Variants in ZNF292 observed in about 807,000 individuals in gnomAD.
ZNF292 encodes the protein zinc finger protein 292.
A neutral mutation model predicts 217.9 loss-of-function variants in ZNF292; 26 were observed. That is an observed-to-expected ratio of 0.12 (90% CI 0.09 to 0.17). The LOEUF (loss-of-function observed/expected upper bound fraction) is 0.17. Ranked by LOEUF, ZNF292 falls within the 10% of genes least tolerant of loss-of-function variation. The probability of loss-of-function intolerance (pLI) is 1.00; values close to 1 mark genes in which losing one functional copy is unlikely to be tolerated. For synonymous variants in ZNF292, 1,257 were observed against 1,124.1 expected (o/e 1.12, Z -2.37); for missense variants, 2,904 against 3,175.2 (o/e 0.91, Z 2.05).
intron 1 of ZNF292, among the ~76,000 whole-genome samples, chr6:87,201,816 T>G (rs966518554): frequency 1.3e-5 from 2 of 152,246 alleles, no homozygotes; most frequent in Non-Finnish European, 2.9e-5. Context: ...TTTAAATGGT[T>G]GTTTCAGGTT....
Position 87,259,186 on chromosome 6 carries a change from C to T in ZNF292, c.5557C>T (p.Leu1853=), listed in dbSNP as rs1485530208. 1 of 1,613,564 alleles carries T rather than the reference C, an allele frequency of 6.2e-7. No individual in the cohort carries two copies. Among genetic ancestry groups the T allele is most frequent in the Non-Finnish European group, 8.5e-7 (1 of 1,179,670 alleles). ...GLQKLKLEND[L]STPASQCVLI... Reference sequence around the variant, plus strand: ...ACAGAAATTAAAATTAGAAAATGACCTATCCACTCCAGCATCCCAATGTGT... The same window carrying T: ...ACAGAAATTAAAATTAGAAAATGACTTATCCACTCCAGCATCCCAATGTGT... Residue 1853 remains leucine (L), a synonymous_variant, in exon 8 of 8, where the codon CTA becomes TTA. Coordinates refer to ENST00000369577, the MANE Select transcript of ZNF292 (RefSeq NM_015021.3).
At position 87,258,946 on chromosome 6, in the gene ZNF292, G is replaced by A; in HGVS notation, c.5317G>A (p.Val1773Ile). ...KTAMNSQILE[V>I]KSGSQGAGET... ...TGCTATGAATTCTCAAATACTTGAG[G>A]TAAAAAGTGGATCTCAGGGTGCTGG... The change falls in exon 8 of 8, where the codon GTA becomes ATA. Residue 1773 changes from valine to isoleucine, a missense_variant. Val to Ile is a conservative substitution (Grantham distance 29). Transcript: ENST00000369577. The A allele has an allele frequency of 1.2e-6, 2 of 1,612,508 alleles. No individual in the cohort carries two copies. The highest frequency in any genetic ancestry group is 1.7e-6 in the Non-Finnish European group (2 of 1,179,152).
intron 1 of ZNF292, chr6:87,169,610 C>A: frequency 2.8e-6 from 1 of 358,750 alleles, no homozygotes; most frequent in South Asian, 1.9e-5. Context: ...AATGATTATG[C>A]TACTTTTAAA....
chr6:87,234,838 C>G (rs1773822970), intron 5 of ZNF292, among the ~76,000 whole-genome samples: 1 of 151,946 alleles, frequency 6.6e-6, no homozygotes, highest in Admixed American at 6.6e-5. Flanking sequence ...AGCTCAGTGC[C>G]ACATGAGGTT....
intron 1 of ZNF292, among the ~76,000 whole-genome samples, chr6:87,212,590 T>C (rs1772545464): frequency 6.6e-6 from 1 of 152,212 alleles, no homozygotes; most frequent in Non-Finnish European, 1.5e-5. Flanking sequence ...ACCAGTTATT[T>C]TTTATTATAC....
Position 87,255,577 on chromosome 6 carries a change from G to T in ZNF292, c.1948G>T (p.Asp650Tyr). The T allele has an allele frequency of 6.2e-7, 1 of 1,610,622 alleles. No homozygotes were observed. The highest frequency in any genetic ancestry group is 1.1e-5 in the South Asian group (1 of 90,616). ...TTCAACAGATTTTATAGTGTTTAATGACAATGATGGTTCAGATGATGAGAA... is the reference window on the plus strand; with the variant it reads ...TTCAACAGATTTTATAGTGTTTAATTACAATGATGGTTCAGATGATGAGAA... Reference protein sequence around the residue: ...LYSTDFIVFNDNDGSDDENDD... With the variant: ...LYSTDFIVFNYNDGSDDENDD... The change falls in exon 8 of 8, where the codon GAC (aspartate) becomes TAC (tyrosine). Residue 650 changes from aspartate (D) to tyrosine (Y), a missense_variant. Around this residue, in one of 15 missense-constraint regions of ZNF292, gnomAD observed 216 missense variants for 308.3 expected, o/e 0.70. Transcript: ENST00000369577.
chr6:87,232,539 T>TA (rs1773707167), intron 4 of ZNF292, among the ~76,000 whole-genome samples: 1 of 152,102 alleles, frequency 6.6e-6, no homozygotes. Context: ...TTAAACTTGT[T>TA]AAAACTTAAA....
In ZNF292 at chr6:87,255,584, A is replaced by G; in HGVS notation, c.1955A>G (p.Asp652Gly). The change falls in exon 8 of 8, where the codon GAT becomes GGT. Residue 652 changes from aspartate (D) to glycine (G), a missense_variant. Transcript: ENST00000369577. ...STDFIVFNDN[D>G]GSDDENDDKD... ...GATTTTATAGTGTTTAATGACAATG[A>G]TGGTTCAGATGATGAGAATGATGAC... The G allele has an allele frequency of 6.2e-7, 1 of 1,611,124 alleles. No homozygotes were observed. The highest frequency in any genetic ancestry group is 8.5e-7 in the Non-Finnish European group (1 of 1,178,308).
intron 1 of ZNF292, among the ~76,000 whole-genome samples, chr6:87,196,790 G>A (rs1337414036): frequency 1.3e-5 from 2 of 152,148 alleles, no homozygotes; most frequent in Admixed American, 6.5e-5. Flanking sequence ...GAGAGACTGC[G>A]TATTTAGTCC....
At chr6:87,226,647 CTA>C (rs1228112578) in intron 4 of ZNF292, among the ~76,000 whole-genome samples, 5 of 113,202 alleles carry the variant, frequency 4.4e-5, no homozygotes, top group Non-Finnish European at 6.8e-5. Flanking sequence ...ATCTATATAT[CTA>C]TATATATATA....
rs1241160123 is a variant in ZNF292, at chr6:87,233,500, A to G, written c.714A>G (p.Ser238=). 6.2e-7 allele frequency: 1 copy of G among 1,611,950 alleles called. No individual in the cohort carries two copies. The highest frequency in any genetic ancestry group is 8.5e-7 in the Non-Finnish European group (1 of 1,179,016). The change falls in exon 5 of 8, where the codon TCA becomes TCG. Residue 238 remains serine (S), a synonymous_variant. Transcript: ENST00000369577. ...CTTACCTTGTCTGTCTTTGTACATCATCACCAAATGGAAAGTTAATCGAAG... is the reference window on the plus strand; with the variant it reads ...CTTACCTTGTCTGTCTTTGTACATCGTCACCAAATGGAAAGTTAATCGAAG... The part of the protein sequence containing the change: ...KQTYLVCLCT[S]SPNGKLIEEI...
At chr6:87,199,686 C>T (rs955224867) in intron 1 of ZNF292, among the ~76,000 whole-genome samples, 1 of 152,154 alleles carries the variant, frequency 6.6e-6, no homozygotes, top group African/African-American at 2.4e-5. Flanking sequence ...CCATTTCCTG[C>T]GCTGAGAATG....
intron 6 of ZNF292, among the ~76,000 whole-genome samples, chr6:87,244,851 GCACACACATATATACGTA>G (rs1221331779): frequency 6.6e-6 from 1 of 151,690 alleles, no homozygotes; most frequent in African/African-American, 2.4e-5. Flanking sequence ...ATATACACAT[GCACACACATATATACGTA>G]CACACACATA....
intron 1 of ZNF292, among the ~76,000 whole-genome samples, chr6:87,187,909 C>G (rs532461616): frequency 1.2e-4 from 18 of 152,100 alleles, no homozygotes; most frequent in African/African-American, 4.1e-4. Flanking sequence ...GAGCTCTTAC[C>G]CTAATTCACC....
intron 7 of ZNF292, among the ~76,000 whole-genome samples, chr6:87,250,066 T>C (rs1307039865): frequency 1.4e-5 from 2 of 146,592 alleles, no homozygotes; most frequent in Non-Finnish European, 3.0e-5. Flanking sequence ...AATTGAAGAC[T>C]ATCAACCAGC....
intron 1 of ZNF292, among the ~76,000 whole-genome samples, chr6:87,171,776 T>A (rs9344687): frequency 0.12 from 17,703 of 152,190 alleles, 1,169 homozygotes; most frequent in African/African-American, 0.17. Context: ...TGAATCTCAA[T>A]TGTAATGAAA....
rs781057546 is a variant in ZNF292, at chr6:87,256,351, T to C, written c.2722T>C (p.Ser908Pro). The C allele has an allele frequency of 6.2e-7, 1 of 1,611,838 alleles. No individual in the cohort carries two copies. Among genetic ancestry groups the C allele is most frequent in the South Asian group, 1.1e-5 (1 of 91,076 alleles). The part of the protein sequence containing the change: ...AVTKQDQISA[S>P]ELRQANGPLS... The stretch of plus-strand genomic sequence containing the variant: ...GACCAAACAAGACCAGATTTCTGCC[T>C]CTGAGCTCAGGCAAGCTAATGGACC... The change falls in exon 8 of 8, where the codon TCT becomes CCT. Residue 908 changes from serine to proline, a missense_variant. By Grantham distance (74) the Ser-to-Pro change is moderately conservative. Coordinates refer to ENST00000369577, the MANE Select transcript of ZNF292 (RefSeq NM_015021.3).
chr6:87,190,538 A>T (rs1029128767), intron 1 of ZNF292, among the ~76,000 whole-genome samples: 1 of 152,100 alleles, frequency 6.6e-6, no homozygotes, highest in Non-Finnish European at 1.5e-5. Context: ...CAGTGGCGCA[A>T]TCTTGGCTCA....
intron 1 of ZNF292, among the ~76,000 whole-genome samples, chr6:87,162,881 TAAAATTA>T (rs1770796393): frequency 6.6e-6 from 1 of 152,242 alleles, no homozygotes; most frequent in Non-Finnish European, 1.5e-5. Flanking sequence ...ATTCAGTTTA[TAAAATTA>T]ACCAATCAGT....
Sources: allele counts gnomAD v4.1 joint callset (sites outside exome capture counted in the v4.1 genomes callset), GRCh38; gene constraint gnomAD v4.1.1; regional missense constraint gnomAD v4.1.1; transcripts MANE v1.5; gene names NCBI Gene and HGNC (gene_info 2026-07-23, HGNC 2026-07-21).